Variants in KLF12 observed in about 807,000 individuals in gnomAD.
KLF12 encodes Krueppel-like factor 12.
A neutral mutation model predicts 37.8 loss-of-function variants in KLF12; 9 were observed. That is an observed-to-expected ratio of 0.24 (90% CI 0.14 to 0.42). KLF12 has a LOEUF of 0.42. Ranked by LOEUF, KLF12 falls within the 10% of genes least tolerant of loss-of-function variation. The pLI is 1.00. For synonymous variants in KLF12, 208 were observed against 202.1 expected (o/e 1.03, Z -0.25); for missense variants, 411 against 516.0 (o/e 0.80, Z 1.97).
chr13:73,906,273 C>G (rs1268988206), intron 3 of KLF12, among the ~76,000 whole-genome samples: 1 of 152,144 alleles, frequency 6.6e-6, no homozygotes, highest in Admixed American at 6.5e-5. Context: ...TTTATTAGTT[C>G]ATAAAATTCT....
the KLF12 span, among the ~76,000 whole-genome samples, chr13:74,245,975 G>A: frequency 6.6e-6 from 1 of 152,188 alleles, no homozygotes; most frequent in Non-Finnish European, 1.5e-5. Context: ...ACTAGTAGAA[G>A]GGTTATTGTT....
intron 4 of KLF12, among the ~76,000 whole-genome samples, chr13:73,824,318 A>C (rs1000725990): frequency 6.6e-6 from 1 of 152,152 alleles, no homozygotes; most frequent in Non-Finnish European, 1.5e-5. Flanking sequence ...GGTGCATAGG[A>C]TTCTAACTTG....
chr13:73,737,702 T>G (rs373660552), intron 6 of KLF12, among the ~76,000 whole-genome samples: 1 of 152,142 alleles, frequency 6.6e-6, no homozygotes, highest in Non-Finnish European at 1.5e-5. Context: ...TCTAATCCCA[T>G]GCATGAATAT....
intron 5 of KLF12, among the ~76,000 whole-genome samples, chr13:73,779,788 C>A (rs1880846809): frequency 6.6e-6 from 1 of 152,198 alleles, no homozygotes; most frequent in Non-Finnish European, 1.5e-5. Context: ...GCATAGCTAG[C>A]ATTAGAATTT....
chr13:73,980,289 G>A (rs545887484), intron 2 of KLF12, among the ~76,000 whole-genome samples: 58 of 152,160 alleles, frequency 3.8e-4, no homozygotes, highest in Non-Finnish European at 6.8e-4. Context: ...CAGATAAATG[G>A]GTTCTACCAA....
chr13:74,085,458 T>G (rs1875218025), intron 1 of KLF12, among the ~76,000 whole-genome samples: 1 of 152,206 alleles, frequency 6.6e-6, no homozygotes, highest in Admixed American at 6.5e-5. Flanking sequence ...TTGTTATGTA[T>G]GAGACACTAC....
chr13:73,999,427 T>C (rs1160342283), intron 1 of KLF12, among the ~76,000 whole-genome samples: 2 of 152,106 alleles, frequency 1.3e-5, no homozygotes, highest in African/African-American at 4.8e-5. Context: ...ATATATCCCT[T>C]CCTTCAGACA....
intron 1 of KLF12, among the ~76,000 whole-genome samples, chr13:74,024,117 A>G (rs1892913680): frequency 6.6e-6 from 1 of 152,180 alleles, no homozygotes. Context: ...GAAAACTCAA[A>G]ACATTTTCCA....
chr13:74,071,403 G>A (rs899405709), intron 1 of KLF12, among the ~76,000 whole-genome samples: 13 of 152,096 alleles, frequency 8.5e-5, no homozygotes, highest in Admixed American at 8.5e-4. Flanking sequence ...AGAAATGACT[G>A]GGGCCGGGCG....
chr13:73,701,219 G>A (rs1412286691), intron 7 of KLF12, among the ~76,000 whole-genome samples: 2 of 152,152 alleles, frequency 1.3e-5, no homozygotes, highest in African/African-American at 2.4e-5. Flanking sequence ...GCACCTGGGC[G>A]ACTCTGCATC....
chr13:74,166,891 C>G, the KLF12 span, among the ~76,000 whole-genome samples: 1 of 152,340 alleles, frequency 6.6e-6, no homozygotes, highest in East Asian at 1.9e-4. Context: ...ACCCAGGCTT[C>G]TATCATCTTC....
At chr13:73,864,045 C>A (rs1886057167) in intron 3 of KLF12, among the ~76,000 whole-genome samples, 1 of 152,074 alleles carries the variant, frequency 6.6e-6, no homozygotes, top group Admixed American at 6.5e-5. Flanking sequence ...AACCTTGATT[C>A]TACAGTTTTC....
chr13:74,148,492 C>T, the KLF12 span, among the ~76,000 whole-genome samples: 489 of 143,826 alleles, frequency 3.4e-3, 1 homozygote, highest in Non-Finnish European at 5.2e-3. Flanking sequence ...CACTCCCCCC[C>T]CACCCCACCC....
At chr13:74,285,052 A>G in the KLF12 span, among the ~76,000 whole-genome samples, 1 of 152,222 alleles carries the variant, frequency 6.6e-6, no homozygotes, top group East Asian at 1.9e-4. Context: ...TCTTGTATGG[A>G]GGAGGACAAG....
At chr13:73,764,242 TG>T (rs1422266340) in intron 6 of KLF12, among the ~76,000 whole-genome samples, 2 of 152,142 alleles carry the variant, frequency 1.3e-5, no homozygotes, top group South Asian at 2.1e-4. Flanking sequence ...TAACACATTA[TG>T]TGTTAAAAGG....
chr13:73,987,732 T>A (rs192085179), intron 2 of KLF12, among the ~76,000 whole-genome samples: 7 of 92,028 alleles, frequency 7.6e-5, no homozygotes, highest in Admixed American at 5.9e-4. Context: ...GTAGAGGAAG[T>A]GGGAGGAAAG....
intron 1 of KLF12, among the ~76,000 whole-genome samples, chr13:74,010,862 G>A (rs1892533425): frequency 6.6e-6 from 1 of 152,190 alleles, no homozygotes; most frequent in South Asian, 2.1e-4. Flanking sequence ...GGCAATAGAA[G>A]ACTGGTTCAT....
At chr13:74,231,034 CT>C in the KLF12 span, among the ~76,000 whole-genome samples, 2,800 of 144,354 alleles carry the variant, frequency 0.019, 35 homozygotes, top group African/African-American at 0.043. Context: ...AAGCTGCTAC[CT>C]TTTTTTTTTT....
chr13:73,962,528 T>C (rs1193611430), intron 2 of KLF12, among the ~76,000 whole-genome samples: 2 of 152,220 alleles, frequency 1.3e-5, no homozygotes, highest in Non-Finnish European at 2.9e-5. Flanking sequence ...GTAACAAATG[T>C]ACCACTGTCG....
Sources: allele counts gnomAD v4.1 joint callset (sites outside exome capture counted in the v4.1 genomes callset), GRCh38; gene constraint gnomAD v4.1.1; transcripts MANE v1.5; gene names NCBI Gene and HGNC (gene_info 2026-07-23, HGNC 2026-07-21).